The following NUB1 variants were observed in gnomAD, a reference collection of about 807,000 sequenced individuals.
NUB1 encodes the protein negative regulator of ubiquitin like proteins 1, also known as NEDD8 ultimate buster 1.
NUB1 carries 41 observed loss-of-function variants against 77.1 expected under a neutral mutation model. The observed-to-expected ratio is 0.53, with a 90% CI of 0.41 to 0.69. The LOEUF (loss-of-function observed/expected upper bound fraction) is 0.69. Among genes scored for constraint, NUB1 ranks in the 30% least tolerant of loss-of-function variants. The pLI is 0.00. For synonymous variants in NUB1, 257 were observed against 281.0 expected (o/e 0.91, Z 0.85); for missense variants, 643 against 743.8 (o/e 0.86, Z 1.58).
At chr7:151,369,012 CT>C (rs1000342289) in intron 11 of NUB1, 125 bp downstream of exon 11, 2,806 of 993,006 alleles carry the variant, frequency 2.8e-3, no homozygotes, top group Middle Eastern at 5.8e-3. Flanking sequence ...GAAACTTGTC[CT>C]TTTTTTTTTC....
intron 12 of NUB1, among the ~76,000 whole-genome samples, chr7:151,375,350 G>A (rs906393101): frequency 6.6e-6 from 1 of 152,160 alleles, no homozygotes; most frequent in African/African-American, 2.4e-5. Context: ...TATACGAGTG[G>A]CACAAAAATA....
rs1796220941 is a variant in NUB1 at position 151,341,900 on chromosome 7, G to T, written c.-3+54G>T. 2.8e-6 allele frequency: 4 copies of T among 1,437,408 alleles called. No individual in the cohort carries two copies. The South Asian group carries it at 4.2e-5, about 15-fold the overall frequency. The allele number at this position is 1,437,408 out of a possible 1,614,324, so 89.0% of individuals were successfully genotyped here. On this transcript the variant is annotated intron_variant, in intron 1 of 14. Transcript: ENST00000568733. ...ACCCCAGCCTCAGCAGCACTGCTTG[G>T]CGCCCCGGTTCCCGGTCCGACTGGG...
chr7:151,348,943 T>C (rs1460132221), intron 2 of NUB1, 130 bp from the exon 3 acceptor site: 2 of 726,004 alleles, frequency 2.8e-6, no homozygotes, highest in East Asian at 2.6e-5. Context: ...CAAACCACAG[T>C]GTGGACTGCA....
At chr7:151,350,381 C>A (rs980654691) in intron 3 of NUB1, among the ~76,000 whole-genome samples, 23 of 152,082 alleles carry the variant, frequency 1.5e-4, no homozygotes, top group Non-Finnish European at 2.1e-4. Flanking sequence ...GGTGCCTTCC[C>A]AGGCACTGGC....
intron 8 of NUB1, among the ~76,000 whole-genome samples, chr7:151,364,481 A>C (rs62490279): frequency 0.82 from 123,896 of 151,584 alleles, 51,073 homozygotes; most frequent in East Asian, 0.99. Context: ...AAACATAATA[A>C]ATTTCTGTTA....
intron 8 of NUB1, among the ~76,000 whole-genome samples, chr7:151,363,278 A>G (rs992636544): frequency 4.6e-5 from 7 of 152,196 alleles, no homozygotes; most frequent in African/African-American, 1.7e-4. Context: ...ATGTCAGATA[A>G]AGACATGGGA....
Position 151,377,657 on chromosome 7 carries a change from G to A in NUB1, c.*432G>A, listed in dbSNP as rs77300744. On this transcript the variant is annotated 3_prime_UTR_variant, in exon 15 of 15. Coordinates refer to ENST00000568733, the MANE Select transcript of NUB1 (RefSeq NM_001243351.2). ...CTGCCCTGACCTTCCTGCTTCCCAC[G>A]CTGCCATCTCTGCCAGGGTGCCACA... 1,766 of 153,064 alleles carry A rather than the reference G, an allele frequency of 0.012. 14 individuals carry two copies. The highest frequency in any genetic ancestry group is 0.018 in the Non-Finnish European group (1,221 of 68,602). 9.5% of individuals were successfully genotyped at this position (153,064 alleles called of 1,614,324 possible). A position where few individuals can be genotyped will look rare whatever the true frequency, so the allele number is the denominator to read the frequency against.
Position 151,367,195 on chromosome 7 carries a change from G to A in NUB1, c.987+70G>A, listed in dbSNP as rs1343481485. 6 of 1,263,318 alleles carry A rather than the reference G, an allele frequency of 4.7e-6. No individual in the cohort carries two copies. In the Admixed American group the frequency reaches 7.9e-5, roughly 17 times the overall value. 78.3% of individuals were successfully genotyped at this position (1,263,318 alleles called of 1,614,324 possible). A position where few individuals can be genotyped will look rare whatever the true frequency, so the allele number is the denominator to read the frequency against. ...AGCATTTGTGTTTATTCCTGTTAAAGTATTTGAACTACTGCCAGAAGGTAA... is the reference window on the plus strand; with the variant it reads ...AGCATTTGTGTTTATTCCTGTTAAAATATTTGAACTACTGCCAGAAGGTAA... On this transcript the variant is annotated intron_variant, in intron 9 of 14. Coordinates refer to ENST00000568733, the MANE Select transcript of NUB1 (RefSeq NM_001243351.2).
chr7:151,353,146 G>T (rs1409641890), intron 5 of NUB1, among the ~76,000 whole-genome samples: 1 of 152,208 alleles, frequency 6.6e-6, no homozygotes, highest in Non-Finnish European at 1.5e-5. Context: ...AAGGTGTGCT[G>T]AGTGTAAGAT....
intron 13 of NUB1, 177 bp from the exon 14 acceptor site, chr7:151,376,457 C>T (rs754414640): frequency 2.6e-5 from 16 of 620,702 alleles, no homozygotes; most frequent in Non-Finnish European, 4.3e-5. Flanking sequence ...TCTTCCAAGC[C>T]CCCTTCCAGG....
chr7:151,376,870 A>T, intron 14 of NUB1, 59 bp downstream of exon 14: 1 of 1,516,208 alleles, frequency 6.6e-7, no homozygotes. Context: ...AAGCCAACAG[A>T]TGTGGCCCTA....
At chr7:151,370,243 C>T (rs900146063) in intron 11 of NUB1, among the ~76,000 whole-genome samples, 4 of 152,100 alleles carry the variant, frequency 2.6e-5, no homozygotes, top group South Asian at 2.1e-4. Context: ...CCCACCACCA[C>T]GCCCAGCTTT....
intron 9 of NUB1, 103 bp downstream of exon 9, chr7:151,367,228 T>C: frequency 2.3e-6 from 2 of 856,186 alleles, no homozygotes; most frequent in Admixed American, 5.0e-5. Flanking sequence ...TAATTTCATT[T>C]TGATAGTAGT....
intron 7 of NUB1, among the ~76,000 whole-genome samples, chr7:151,356,595 G>A (rs759495494): frequency 4.6e-5 from 7 of 152,316 alleles, no homozygotes; most frequent in African/African-American, 1.2e-4. Flanking sequence ...AAACTGTGTC[G>A]TTTGGGAAAA....
At chr7:151,354,354 C>T (rs1337549763) in intron 5 of NUB1, among the ~76,000 whole-genome samples, 2 of 148,894 alleles carry the variant, frequency 1.3e-5, no homozygotes, top group Non-Finnish European at 3.0e-5. Context: ...GATGGCTTAA[C>T]CACTGGTGGA....
At chr7:151,366,642 C>G (rs1019239608) in intron 8 of NUB1, among the ~76,000 whole-genome samples, 1 of 152,208 alleles carries the variant, frequency 6.6e-6, no homozygotes, top group African/African-American at 2.4e-5. Flanking sequence ...GCCTCTGAAA[C>G]AGTGGCCCTG....
intron 8 of NUB1, among the ~76,000 whole-genome samples, chr7:151,365,722 T>G (rs1797642044): frequency 6.6e-6 from 1 of 152,174 alleles, no homozygotes; most frequent in Non-Finnish European, 1.5e-5. Flanking sequence ...TAAAACATGG[T>G]GTATGTGTTC....
At chr7:151,350,445 G>A (rs1796739323) in intron 3 of NUB1, among the ~76,000 whole-genome samples, 1 of 152,260 alleles carries the variant, frequency 6.6e-6, no homozygotes, top group African/African-American at 2.4e-5. Flanking sequence ...GGGCACTGGA[G>A]TTACCGCTAG....
At position 151,349,112 on chromosome 7, in the gene NUB1, G is replaced by A. The variant is rs1344805425; in HGVS notation, c.157G>A (p.Glu53Lys). The change falls in exon 3 of 15, where the codon GAA becomes AAA. Residue 53 changes from glutamate (E) to lysine (K), a missense_variant. Transcript: ENST00000568733. ...KQYSDRLECC[E>K]NEVEKVIEEI... ...GTACTCTGACAGACTAGAATGCTGT[G>A]AAAATGAAGTAGAAAAGGTAATAGA... 6.2e-7 allele frequency: 1 copy of A among 1,613,402 alleles called. No homozygotes were observed. The highest frequency in any genetic ancestry group is 8.5e-7 in the Non-Finnish European group (1 of 1,179,788).
Sources: allele counts gnomAD v4.1 joint callset (sites outside exome capture counted in the v4.1 genomes callset), GRCh38; gene constraint gnomAD v4.1.1; transcripts MANE v1.5; gene names NCBI Gene and HGNC (gene_info 2026-07-23, HGNC 2026-07-21).